The following ATP8A2 variants were observed in gnomAD, a reference collection of about 807,000 sequenced individuals.
ATP8A2 encodes the protein ATPase phospholipid transporting 8A2.
Under a neutral mutation model 165.6 loss-of-function variants are expected in ATP8A2, and 100 were observed. The ratio of observed to expected loss-of-function variants is 0.60; its 90% CI spans 0.51 to 0.71. ATP8A2 has a LOEUF of 0.71. ATP8A2 is among the 30% of genes least tolerant of loss of function. The probability of loss-of-function intolerance (pLI) is 0.00; values close to 1 mark genes in which losing one functional copy is unlikely to be tolerated. For synonymous variants in ATP8A2, 543 were observed against 548.8 expected (o/e 0.99, Z 0.15); for missense variants, 1,227 against 1,479.5 (o/e 0.83, Z 2.80).
intron 24 of ATP8A2, among the ~76,000 whole-genome samples, chr13:25,643,692 G>A (rs1003908014): frequency 2.0e-5 from 3 of 151,264 alleles, no homozygotes; most frequent in African/African-American, 7.3e-5. Flanking sequence ...TAGGTAGTGT[G>A]ATACCTCCCA....
chr13:25,667,053 A>T (rs1403491491), intron 24 of ATP8A2, among the ~76,000 whole-genome samples: 1 of 152,204 alleles, frequency 6.6e-6, no homozygotes, highest in Admixed American at 6.5e-5. Context: ...TATATTTAGT[A>T]CATTCATGTT....
chr13:25,940,221 A>G (rs1245249214), intron 33 of ATP8A2, among the ~76,000 whole-genome samples: 1 of 151,866 alleles, frequency 6.6e-6, no homozygotes, highest in African/African-American at 2.4e-5. Flanking sequence ...ACAGAGAGTG[A>G]GGCCCCTTCC....
intron 33 of ATP8A2, among the ~76,000 whole-genome samples, chr13:25,863,007 A>C (rs1952401105): frequency 6.6e-6 from 1 of 152,182 alleles, no homozygotes; most frequent in Non-Finnish European, 1.5e-5. Context: ...CAACAGTGAC[A>C]AACTGTATCC....
intron 35 of ATP8A2, among the ~76,000 whole-genome samples, chr13:26,008,536 A>G (rs1956787063): frequency 6.6e-6 from 1 of 152,226 alleles, no homozygotes. Context: ...GAGGGGAGGC[A>G]GGAATCTCAG....
chr13:25,806,056 T>C (rs1019360117), intron 27 of ATP8A2, among the ~76,000 whole-genome samples: 1 of 152,140 alleles, frequency 6.6e-6, no homozygotes, highest in Non-Finnish European at 1.5e-5. Flanking sequence ...TGTTGGAAGA[T>C]CAACTTTATT....
chr13:25,512,757 G>C lies in ATP8A2; in HGVS notation c.222-17242G>C, dbSNP rs569833309. Among the ~76,000 whole-genome samples the C allele has an allele frequency of 5.5e-3, 796 of 144,922 alleles. 13 individuals carry two copies. Among genetic ancestry groups the C allele is most frequent in the South Asian group, 0.02 (88 of 4,512 alleles). ...GGCTGACCCCCCCCACCTCCCTCCC[G>C]GATGGGGCGGCTGGCCAGGCAGGGG... is the stretch of plus-strand genomic sequence containing the variant. On this transcript the variant is annotated intron_variant, in intron 2 of 36. Transcript: ENST00000381655.
chr13:26,001,606 G>T (rs186709052), intron 35 of ATP8A2, among the ~76,000 whole-genome samples: 14 of 152,158 alleles, frequency 9.2e-5, no homozygotes, highest in Non-Finnish European at 1.5e-4. Flanking sequence ...GTTTTGATTT[G>T]CATTTCCCTA....
intron 33 of ATP8A2, chr13:25,863,812 G>A (rs912013505): frequency 3.9e-5 from 6 of 152,168 alleles, no homozygotes; most frequent in Non-Finnish European, 8.8e-5. Context: ...TATAGGAGTG[G>A]GCTTGCATGT....
intron 33 of ATP8A2, among the ~76,000 whole-genome samples, chr13:25,873,342 C>T (rs1391796395): frequency 6.6e-6 from 1 of 151,068 alleles, no homozygotes; most frequent in Non-Finnish European, 1.5e-5. Flanking sequence ...AGTCATTTTT[C>T]CACAATGTTG....
intron 27 of ATP8A2, among the ~76,000 whole-genome samples, chr13:25,806,785 A>G (rs1950749625): frequency 1.3e-5 from 2 of 152,116 alleles, no homozygotes; most frequent in South Asian, 2.1e-4. Context: ...ATCATTTTAC[A>G]TTCTTACCAG....
chr13:25,619,913 C>T (rs1419696296), intron 24 of ATP8A2, among the ~76,000 whole-genome samples: 4 of 152,118 alleles, frequency 2.6e-5, no homozygotes, highest in Admixed American at 6.5e-5. Flanking sequence ...ATTTGGCCCA[C>T]GGGCCGTAGT....
At chr13:25,589,739 A>G in intron 24 of ATP8A2, 40 bp downstream of exon 24, 4 of 1,261,302 alleles carry the variant, frequency 3.2e-6, no homozygotes, top group Non-Finnish European at 4.6e-6. Flanking sequence ...TTGCTATAAC[A>G]GTATTAAACT....
At chr13:25,744,793 C>T (rs2043993310) in intron 25 of ATP8A2, among the ~76,000 whole-genome samples, 2 of 152,150 alleles carry the variant, frequency 1.3e-5, no homozygotes, top group Non-Finnish European at 2.9e-5. Context: ...CCTGGAGTTT[C>T]TTATCGTTGC....
At chr13:25,761,657 T>C (rs1015960906) in intron 25 of ATP8A2, among the ~76,000 whole-genome samples, 6 of 150,274 alleles carry the variant, frequency 4.0e-5, no homozygotes, top group Non-Finnish European at 3.0e-5. Flanking sequence ...TAGCACAGTA[T>C]ATATATATAC....
intron 24 of ATP8A2, among the ~76,000 whole-genome samples, chr13:25,636,053 G>C (rs572739276): frequency 6.6e-6 from 1 of 152,242 alleles, no homozygotes; most frequent in East Asian, 1.9e-4. Flanking sequence ...GGGACGTAGT[G>C]GTGCCAGGAT....
intron 2 of ATP8A2, among the ~76,000 whole-genome samples, chr13:25,519,713 G>T (rs1222896007): frequency 6.6e-6 from 1 of 152,150 alleles, no homozygotes; most frequent in African/African-American, 2.4e-5. Context: ...CCTCCTTGCT[G>T]TGACTAGCCA....
At chr13:25,518,210 C>T (rs563301875) in intron 2 of ATP8A2, among the ~76,000 whole-genome samples, 1 of 152,330 alleles carries the variant, frequency 6.6e-6, no homozygotes, top group South Asian at 2.1e-4. Context: ...ATCTTGTCCT[C>T]AACTTCCAAT....
chr13:25,521,713 A>C (rs565111634), intron 2 of ATP8A2, among the ~76,000 whole-genome samples: 2 of 151,786 alleles, frequency 1.3e-5, no homozygotes, highest in East Asian at 3.9e-4. Context: ...GGTTCTCTCT[A>C]TTTCTCTTTT....
At chr13:25,391,154 G>C (rs1014874701) in intron 1 of ATP8A2, among the ~76,000 whole-genome samples, 2 of 152,166 alleles carry the variant, frequency 1.3e-5, no homozygotes, top group Non-Finnish European at 2.9e-5. Flanking sequence ...GAGCCACTGA[G>C]GTGTATCCTG....
Sources: gnomAD v4.1 joint callset for allele counts (sites outside exome capture counted in the v4.1 genomes callset) on GRCh38, gnomAD v4.1.1 for gene constraint, MANE v1.5 for transcripts, NCBI Gene and HGNC (gene_info 2026-07-23, HGNC 2026-07-21) for gene names.